The following ACOXL variants were observed in gnomAD, a reference collection of about 807,000 sequenced individuals.
ACOXL encodes acyl-coenzyme A oxidase-like protein.
ACOXL carries 70 observed loss-of-function variants against 71.9 expected under a neutral mutation model. The observed-to-expected ratio is 0.97, with a 90% confidence interval of 0.80 to 1.19. The LOEUF is 1.19. Among genes scored for constraint, ACOXL ranks in the 50% most tolerant of loss-of-function variants. The pLI is 0.00. For missense variants in ACOXL, 703 were observed against 736.3 expected, an observed-to-expected ratio of 0.95 and a Z score of 0.52; for synonymous variants, 253 against 281.6, an observed-to-expected ratio of 0.90 and a Z score of 1.02.
At chr2:110,807,955 C>G (rs531065053) in intron 9 of ACOXL, among the ~76,000 whole-genome samples, 4 of 152,148 alleles carry the variant, frequency 2.6e-5, no homozygotes, top group Non-Finnish European at 5.9e-5. Context: ...AAACTTTGCC[C>G]AAATGTCATA....
chr2:110,861,580 T>C (rs1289616870), intron 10 of ACOXL, among the ~76,000 whole-genome samples: 1 of 149,592 alleles, frequency 6.7e-6, no homozygotes, highest in Non-Finnish European at 1.5e-5. Context: ...CCCGGCTATG[T>C]TGTTAAATGG....
chr2:110,879,681 G>A (rs1696376510), intron 10 of ACOXL, among the ~76,000 whole-genome samples: 6 of 152,166 alleles, frequency 3.9e-5, no homozygotes, highest in Non-Finnish European at 1.5e-5. Context: ...GAACAGTTGT[G>A]TGAGGTGCAT....
chr2:110,951,196 G>A (rs2061323025), intron 12 of ACOXL, among the ~76,000 whole-genome samples: 2 of 152,186 alleles, frequency 1.3e-5, no homozygotes, highest in African/African-American at 4.8e-5. Context: ...AATAGCAGCT[G>A]AGTAGATATC....
intron 5 of ACOXL, chr2:110,795,678 C>T (rs1461341082): frequency 2.0e-5 from 3 of 152,182 alleles, no homozygotes; most frequent in Non-Finnish European, 4.4e-5. Flanking sequence ...TGAGACTGCC[C>T]TCAGCAGCTT....
intron 9 of ACOXL, among the ~76,000 whole-genome samples, chr2:110,812,026 A>T (rs1432383321): frequency 6.6e-6 from 1 of 152,136 alleles, no homozygotes; most frequent in Non-Finnish European, 1.5e-5. Flanking sequence ...TGCTCTTGTC[A>T]TCAGTTTATT....
intron 17 of ACOXL, among the ~76,000 whole-genome samples, chr2:111,109,520 T>C (rs2069789659): frequency 6.6e-6 from 1 of 152,184 alleles, no homozygotes; most frequent in African/African-American, 2.4e-5. Flanking sequence ...TGTTCCGCAA[T>C]ACTCACTCTG....
chr2:110,988,727 G>T (rs1274220225), intron 13 of ACOXL, among the ~76,000 whole-genome samples: 1 of 152,120 alleles, frequency 6.6e-6, no homozygotes, highest in Non-Finnish European at 1.5e-5. Context: ...TATAAGAAAT[G>T]ATCTCTCACC....
chr2:111,054,582 C>A (rs2066441466), intron 16 of ACOXL, among the ~76,000 whole-genome samples: 1 of 152,174 alleles, frequency 6.6e-6, no homozygotes, highest in Non-Finnish European at 1.5e-5. Context: ...GGATTTCTTA[C>A]CAGCCAAGTA....
intron 9 of ACOXL, among the ~76,000 whole-genome samples, chr2:110,806,628 C>T (rs952127893): frequency 7.9e-5 from 12 of 152,224 alleles, no homozygotes; most frequent in Non-Finnish European, 1.6e-4. Context: ...GCAGGGTTAG[C>T]TGAAGCTGTG....
intron 10 of ACOXL, among the ~76,000 whole-genome samples, chr2:110,881,295 CTT>C (rs1696611993): frequency 6.6e-6 from 1 of 151,984 alleles, no homozygotes; most frequent in African/African-American, 2.4e-5. Flanking sequence ...TTACTTCTCT[CTT>C]GAGGTTTTCT....
intron 14 of ACOXL, among the ~76,000 whole-genome samples, chr2:111,023,111 G>C (rs995397790): frequency 6.6e-6 from 1 of 152,192 alleles, no homozygotes; most frequent in Non-Finnish European, 1.5e-5. Context: ...GATGTGTGTC[G>C]CAAAAGCTGA....
chr2:110,925,847 T>C (rs185453496), intron 11 of ACOXL, among the ~76,000 whole-genome samples: 2 of 146,080 alleles, frequency 1.4e-5, no homozygotes, highest in Admixed American at 1.5e-4. Flanking sequence ...GCTTAATTAC[T>C]TCTAGCTTTT....
chr2:110,757,870 T>C (rs1679905769), intron 1 of ACOXL, among the ~76,000 whole-genome samples: 2 of 152,194 alleles, frequency 1.3e-5, no homozygotes, highest in Non-Finnish European at 2.9e-5. Flanking sequence ...TAGTTTCTTT[T>C]GCTGTCCAGG....
intron 9 of ACOXL, among the ~76,000 whole-genome samples, chr2:110,823,250 C>CAA (rs879569948): frequency 3.5e-5 from 3 of 84,586 alleles, no homozygotes; most frequent in African/African-American, 4.5e-5. Context: ...GACTCCATCT[C>CAA]AAAAAAAAAA....
chr2:110,949,940 G>A (rs2061260910), intron 12 of ACOXL, among the ~76,000 whole-genome samples: 1 of 151,982 alleles, frequency 6.6e-6, no homozygotes, highest in African/African-American at 2.4e-5. Context: ...TTCTTCCCTG[G>A]CCCTCTGGGT....
In ACOXL at chr2:111,011,881, T is replaced by TAAAAAAA. The variant is rs35965746; in HGVS notation, c.1281+15895_1281+15901dup. Among the ~76,000 whole-genome samples, 3 of 112,590 alleles carry TAAAAAAA rather than the reference T, an allele frequency of 2.7e-5. No individual in the cohort carries two copies. In the East Asian group the frequency reaches 8.3e-4, roughly 31 times the overall value. The allele number at this position is 112,590 out of a possible 152,430, so 73.9% of individuals were successfully genotyped here. Reference sequence around the variant, plus strand: ...CCTGGGCAGCAGAGTGAGACTCTGTTAAAAAAAAAAAAAAAAAAAAAAAAG... The same window carrying TAAAAAAA: ...CCTGGGCAGCAGAGTGAGACTCTGTTAAAAAAAAAAAAAAAAAAAAAAAAAAAAAAAG... On this transcript the variant is annotated intron_variant, in intron 14 of 17. Coordinates refer to ENST00000439055, the MANE Select transcript of ACOXL (RefSeq NM_001142807.4).
chr2:110,999,442 CA>C (rs1210376243), intron 14 of ACOXL, among the ~76,000 whole-genome samples: 1 of 152,064 alleles, frequency 6.6e-6, no homozygotes, highest in African/African-American at 2.4e-5. Context: ...TTAATCTTAT[CA>C]AAAGCATTAA....
At chr2:111,014,510 T>C (rs1187435340) in intron 14 of ACOXL, among the ~76,000 whole-genome samples, 1 of 152,196 alleles carries the variant, frequency 6.6e-6, no homozygotes, top group Non-Finnish European at 1.5e-5. Flanking sequence ...GCTGTGCTTG[T>C]GTATGGGAAA....
chr2:110,847,301 TA>T (rs759743504), intron 10 of ACOXL, among the ~76,000 whole-genome samples: 9 of 152,138 alleles, frequency 5.9e-5, no homozygotes, highest in Non-Finnish European at 1.2e-4. Context: ...TGGGCCAAGA[TA>T]AAAGAGGAAA....
Sources: allele counts gnomAD v4.1 joint callset (sites outside exome capture counted in the v4.1 genomes callset), GRCh38; gene constraint gnomAD v4.1.1; transcripts MANE v1.5; gene names NCBI Gene and HGNC (gene_info 2026-07-23, HGNC 2026-07-21).